PDE8B: variants seen among roughly 807,000 people sequenced by gnomAD.
The protein encoded by PDE8B is high affinity cAMP-specific and IBMX-insensitive 3',5'-cyclic phosphodiesterase 8B.
In PDE8B, 26 loss-of-function variants were observed where a neutral mutation model predicts 101.3. The observed-to-expected ratio is 0.26, with a 90% CI of 0.19 to 0.36. PDE8B has a LOEUF of 0.36. Among genes scored for constraint, PDE8B ranks in the 10% least tolerant of loss-of-function variants. PDE8B has a pLI of 1.00. For synonymous variants in PDE8B, 424 were observed against 429.3 expected (o/e 0.99, Z 0.15); for missense variants, 810 against 1,163.1 (o/e 0.70, Z 4.42).
the PDE8B span, among the ~76,000 whole-genome samples, chr5:77,152,711 A>G: frequency 3.3e-5 from 5 of 152,194 alleles, no homozygotes; most frequent in Non-Finnish European, 5.9e-5. Flanking sequence ...CATAAGCTCC[A>G]GACGCTCACT....
the PDE8B span, among the ~76,000 whole-genome samples, chr5:77,128,283 A>G: frequency 6.6e-6 from 1 of 152,116 alleles, no homozygotes; most frequent in Non-Finnish European, 1.5e-5. Context: ...TGATGAGAAA[A>G]ACGTTCTTCT....
At chr5:77,173,068 G>C in the PDE8B span, among the ~76,000 whole-genome samples, 1 of 152,200 alleles carries the variant, frequency 6.6e-6, no homozygotes, top group Non-Finnish European at 1.5e-5. Context: ...CAGCCAATCA[G>C]TGAACACACT....
intron 1 of PDE8B, among the ~76,000 whole-genome samples, chr5:77,298,411 T>C (rs1465185383): frequency 6.6e-6 from 1 of 152,196 alleles, no homozygotes; most frequent in Non-Finnish European, 1.5e-5. Context: ...GAGAATATTG[T>C]TACCCACGTG....
chr5:77,360,352 A>G (rs1394999102), intron 10 of PDE8B, among the ~76,000 whole-genome samples: 1 of 152,140 alleles, frequency 6.6e-6, no homozygotes, highest in East Asian at 1.9e-4. Context: ...GGCTTGTACT[A>G]ATTAAGCCCA....
intron 1 of PDE8B, among the ~76,000 whole-genome samples, chr5:77,259,596 A>G (rs930639029): frequency 6.6e-6 from 1 of 152,078 alleles, no homozygotes; most frequent in South Asian, 2.1e-4. Context: ...TGGAAGGGGA[A>G]TTTCCTCCCC....
At chr5:77,216,465 C>T (rs546219546) in intron 1 of PDE8B, among the ~76,000 whole-genome samples, 9 of 152,218 alleles carry the variant, frequency 5.9e-5, no homozygotes, top group East Asian at 1.9e-4. Flanking sequence ...CATCAGATCT[C>T]GTGAGACTTA....
intron 2 of PDE8B, among the ~76,000 whole-genome samples, chr5:77,323,641 A>G (rs755004281): frequency 1.3e-5 from 2 of 152,130 alleles, no homozygotes; most frequent in African/African-American, 2.4e-5. Flanking sequence ...CTACTTTTCT[A>G]TATACTTCCA....
chr5:77,279,972 A>G (rs1012016587), intron 1 of PDE8B, among the ~76,000 whole-genome samples: 1 of 152,018 alleles, frequency 6.6e-6, no homozygotes, highest in African/African-American at 2.4e-5. Flanking sequence ...GCCTTTCCCT[A>G]TTTCTGGATT....
intron 1 of PDE8B, among the ~76,000 whole-genome samples, chr5:77,305,684 C>T (rs1262918208): frequency 6.6e-6 from 1 of 152,120 alleles, no homozygotes; most frequent in Non-Finnish European, 1.5e-5. Flanking sequence ...CTTTGTTTAC[C>T]CAGAGCTCAG....
intron 10 of PDE8B, among the ~76,000 whole-genome samples, chr5:77,397,337 A>G (rs1198050653): frequency 1.8e-4 from 27 of 152,042 alleles, no homozygotes; most frequent in Admixed American, 1.7e-3. Flanking sequence ...GCCAGAACTT[A>G]CTTTTTCTTT....
chr5:77,419,716 ATAATT>A, intron 18 of PDE8B, 46 bp from the exon 19 acceptor site: 1 of 1,609,362 alleles, frequency 6.2e-7, no homozygotes, highest in African/African-American at 1.3e-5. Context: ...CAGAATAGTT[ATAATT>A]TGAGACACGC....
intron 1 of PDE8B, among the ~76,000 whole-genome samples, chr5:77,274,100 G>A (rs546175740): frequency 1.8e-4 from 28 of 152,268 alleles, no homozygotes; most frequent in African/African-American, 5.3e-4. Context: ...GGGATTACAG[G>A]CGTGAACCAT....
the PDE8B span, among the ~76,000 whole-genome samples, chr5:77,092,131 A>G: frequency 6.6e-6 from 1 of 152,226 alleles, no homozygotes; most frequent in South Asian, 2.1e-4. Context: ...CTGGCATTAT[A>G]TGTTTATTAT....
the PDE8B span, among the ~76,000 whole-genome samples, chr5:77,203,143 C>T: frequency 6.8e-4 from 103 of 152,272 alleles, no homozygotes; most frequent in African/African-American, 2.4e-3. Context: ...TACCACAAAC[C>T]TTTTTGAGTC....
At chr5:77,375,155 C>T (rs1428676882) in intron 10 of PDE8B, among the ~76,000 whole-genome samples, 2 of 152,226 alleles carry the variant, frequency 1.3e-5, no homozygotes, top group African/African-American at 4.8e-5. Flanking sequence ...ACGAAGCTCT[C>T]AGCTGTGTTT....
the PDE8B span, among the ~76,000 whole-genome samples, chr5:77,127,134 G>A: frequency 6.6e-6 from 1 of 152,080 alleles, no homozygotes; most frequent in Non-Finnish European, 1.5e-5. Flanking sequence ...GCTTATCCAG[G>A]TTCCTGCCTG....
chr5:77,087,499 TG>T, the PDE8B span: 1 of 152,362 alleles, frequency 6.6e-6, no homozygotes, highest in African/African-American at 2.4e-5. Context: ...TGTAGGCGCA[TG>T]ATGTCACAAG....
At chr5:77,112,608 A>C in the PDE8B span, 47 of 152,332 alleles carry the variant, frequency 3.1e-4, 1 homozygote, top group East Asian at 8.5e-3. Context: ...CTTTGAAAAC[A>C]AGACAAGGAT....
intron 10 of PDE8B, among the ~76,000 whole-genome samples, chr5:77,361,965 ACT>A (rs368053285): frequency 1.4e-4 from 21 of 152,228 alleles, no homozygotes; most frequent in African/African-American, 5.1e-4. Flanking sequence ...GGCTATATAG[ACT>A]CTACAACCAA....
Sources: gnomAD v4.1 joint callset for allele counts (sites outside exome capture counted in the v4.1 genomes callset) on GRCh38, gnomAD v4.1.1 for gene constraint, MANE v1.5 for transcripts, NCBI Gene and HGNC (gene_info 2026-07-23, HGNC 2026-07-21) for gene names.